GRM5: variants seen among roughly 807,000 people sequenced by gnomAD.
GRM5 encodes the protein glutamate metabotropic receptor 5.
A neutral mutation model predicts 83.1 loss-of-function variants in GRM5; 19 were observed. That is an observed-to-expected ratio of 0.23 (90% CI 0.16 to 0.34). GRM5 has a LOEUF of 0.34. GRM5 is among the 10% of genes least tolerant of loss of function. GRM5 has a pLI of 1.00. For synonymous variants in GRM5, 675 were observed against 633.6 expected (o/e 1.07, Z -0.98); for missense variants, 1,160 against 1,588.3 (o/e 0.73, Z 4.58).
At chr11:89,014,777 T>C (rs1363038122) in intron 2 of GRM5, among the ~76,000 whole-genome samples, 1 of 152,172 alleles carries the variant, frequency 6.6e-6, no homozygotes, top group Non-Finnish European at 1.5e-5. Flanking sequence ...TATCAAAACA[T>C]CTCATGTAAC....
Position 88,827,514 on chromosome 11 carries a change from C to A in GRM5, c.911+22392G>T, listed in dbSNP as rs374514708. Among the ~76,000 whole-genome samples, 13 of 152,302 alleles carry A rather than the reference C, an allele frequency of 8.5e-5. No individual in the cohort carries two copies. The South Asian group carries it at 2.7e-3, about 32-fold the overall frequency. ...GAGTCAGCTAGTTCCCCTGCTTACG[C>A]CATTTTCATTTCACCCTAACACTCT... On this transcript the variant is annotated intron_variant, in intron 3 of 9. Coordinates refer to ENST00000305447, the MANE Select transcript of GRM5 (RefSeq NM_001143831.3).
chr11:88,623,937 G>T (rs544746930), intron 4 of GRM5, among the ~76,000 whole-genome samples: 37 of 152,102 alleles, frequency 2.4e-4, no homozygotes, highest in Non-Finnish European at 4.7e-4. Flanking sequence ...ACTAAAATTG[G>T]TTTTTAGTGA....
At chr11:88,572,406 A>G (rs953591318) in intron 7 of GRM5, among the ~76,000 whole-genome samples, 2 of 152,188 alleles carry the variant, frequency 1.3e-5, no homozygotes, top group African/African-American at 4.8e-5. Flanking sequence ...GGCCCACCAC[A>G]GTCTCCTCTA....
rs143756352 is a variant in GRM5, at chr11:88,879,780, A to C, written c.662-29625T>G. Among the ~76,000 whole-genome samples, 1,444 of 152,192 alleles carry C rather than the reference A, an allele frequency of 9.5e-3. 19 individuals are homozygous for C. The highest frequency in any genetic ancestry group is 0.033 in the African/African-American group (1,378 of 41,530). ...ATCAGTATGGCAAGCATTATCAGAT[A>C]ATCTGCTTTTAGTACTATGAGGCTC... On this transcript the variant is annotated intron_variant, in intron 2 of 9. Coordinates refer to ENST00000305447, the MANE Select transcript of GRM5 (RefSeq NM_001143831.3).
At chr11:88,594,262 C>T (rs1429494740) in intron 6 of GRM5, among the ~76,000 whole-genome samples, 1 of 152,134 alleles carries the variant, frequency 6.6e-6, no homozygotes, top group Non-Finnish European at 1.5e-5. Flanking sequence ...TTAAACCCCT[C>T]ACAATGAAGA....
At chr11:88,595,811 G>A (rs1937783638) in intron 6 of GRM5, among the ~76,000 whole-genome samples, 2 of 151,974 alleles carry the variant, frequency 1.3e-5, no homozygotes, top group East Asian at 3.9e-4. Flanking sequence ...CTATCTCTCT[G>A]TACCTGTTGC....
Position 88,590,632 on chromosome 11 carries a change from T to G in GRM5, c.1659A>C (p.Gln553His), listed in dbSNP as rs201921142. 2 of 1,610,608 alleles carry G rather than the reference T, an allele frequency of 1.2e-6. No homozygotes were observed. The change falls in exon 7 of 10, where the codon CAA becomes CAC. Residue 553 changes from glutamine (Q) to histidine (H), a missense_variant. Around this residue, in one of 9 missense-constraint regions of GRM5, gnomAD observed 132 missense variants for 245.5 expected, o/e 0.54. Coordinates refer to ENST00000305447, the MANE Select transcript of GRM5 (RefSeq NM_001143831.3). The part of the protein sequence containing the change: ...VFDEYTCKAC[Q>H]LGSWPTDDLT... ...GATCATCAGTGGGCCAAGACCCCAG[T>G]TGGCATGCCTTGCATGTGTACTCAT... is the stretch of plus-strand genomic sequence containing the variant.
intron 3 of GRM5, among the ~76,000 whole-genome samples, chr11:88,670,489 A>ATG (rs138754698): frequency 2.2e-4 from 33 of 150,434 alleles, no homozygotes; most frequent in Admixed American, 4.6e-4. Flanking sequence ...GTGTGTGTGT[A>ATG]TGTGTGTGTG....
chr11:88,938,735 G>C (rs998865017), intron 2 of GRM5, among the ~76,000 whole-genome samples: 1 of 151,604 alleles, frequency 6.6e-6, no homozygotes, highest in African/African-American at 2.4e-5. Context: ...TCAAGTAAAA[G>C]TAGGTCATTC....
intron 2 of GRM5, among the ~76,000 whole-genome samples, chr11:88,987,648 C>T (rs7113804): frequency 0.083 from 12,495 of 151,298 alleles, 1,644 homozygotes; most frequent in African/African-American, 0.28. Context: ...TCTCCCAGCA[C>T]GCAGCTGGAG....
chr11:88,510,569 T>C (rs1231628390), intron 9 of GRM5, among the ~76,000 whole-genome samples: 1 of 152,220 alleles, frequency 6.6e-6, no homozygotes, highest in South Asian at 2.1e-4. Flanking sequence ...CAGGCTGAAG[T>C]GCAGTGGCGC....
chr11:88,548,658 A>G (rs1290060910), intron 8 of GRM5, among the ~76,000 whole-genome samples: 1 of 152,146 alleles, frequency 6.6e-6, no homozygotes, highest in East Asian at 1.9e-4. Flanking sequence ...TAACATTACA[A>G]CCTGCCAGAT....
intron 2 of GRM5, among the ~76,000 whole-genome samples, chr11:89,007,393 T>G (rs1401998710): frequency 6.6e-6 from 1 of 152,220 alleles, no homozygotes; most frequent in Non-Finnish European, 1.5e-5. Context: ...GGGCATCTTT[T>G]GAGTGGAGGA....
chr11:88,666,218 T>C (rs560885246), intron 3 of GRM5, among the ~76,000 whole-genome samples: 1 of 152,308 alleles, frequency 6.6e-6, no homozygotes, highest in African/African-American at 2.4e-5. Flanking sequence ...TTTCCTGTTG[T>C]TTATAAGAGA....
chr11:88,842,524 A>T (rs1944221328), intron 3 of GRM5, among the ~76,000 whole-genome samples: 1 of 152,176 alleles, frequency 6.6e-6, no homozygotes. Context: ...CCACCTCAAT[A>T]AATCCAAATG....
intron 2 of GRM5, among the ~76,000 whole-genome samples, chr11:88,904,003 C>T (rs1357024958): frequency 3.3e-5 from 5 of 152,094 alleles, no homozygotes; most frequent in African/African-American, 7.2e-5. Flanking sequence ...CATTATGAAA[C>T]GAATTGAAGA....
intron 3 of GRM5, among the ~76,000 whole-genome samples, chr11:88,797,331 G>T (rs139635783): frequency 1.3e-5 from 2 of 152,066 alleles, no homozygotes; most frequent in African/African-American, 4.8e-5. Flanking sequence ...TAGTAGAGAC[G>T]GAGTTTCACC....
At chr11:88,870,048 T>C (rs1219906623) in intron 2 of GRM5, among the ~76,000 whole-genome samples, 2 of 151,578 alleles carry the variant, frequency 1.3e-5, no homozygotes, top group East Asian at 3.9e-4. Context: ...GTTAGAACTT[T>C]AGTTAGGCCA....
intron 2 of GRM5, among the ~76,000 whole-genome samples, chr11:88,978,011 T>G (rs1478235864): frequency 6.6e-6 from 1 of 152,230 alleles, no homozygotes; most frequent in Admixed American, 6.5e-5. Context: ...GTATATCATC[T>G]ACTTTATTGG....
Sources: allele counts gnomAD v4.1 joint callset (sites outside exome capture counted in the v4.1 genomes callset), GRCh38; gene constraint gnomAD v4.1.1; regional missense constraint gnomAD v4.1.1; transcripts MANE v1.5; gene names NCBI Gene and HGNC (gene_info 2026-07-23, HGNC 2026-07-21).